The following NAF1 variants were observed in gnomAD, a reference collection of about 807,000 sequenced individuals.
The protein encoded by NAF1 is H/ACA ribonucleoprotein complex non-core subunit NAF1.
NAF1 carries 11 observed loss-of-function variants against 40.6 expected under a neutral mutation model. That is an observed-to-expected ratio of 0.27 (90% CI 0.17 to 0.45). NAF1 has a LOEUF of 0.45. Ranked by LOEUF, NAF1 falls within the 20% of genes least tolerant of loss-of-function variation. NAF1 has a pLI of 1.00. For missense variants in NAF1, 607 were observed against 611.1 expected (o/e 0.99, Z 0.07); for synonymous variants, 260 against 228.5 (o/e 1.14, Z -1.24).
intron 2 of NAF1, among the ~76,000 whole-genome samples, chr4:163,162,576 T>C (rs1347083955): frequency 6.6e-6 from 1 of 152,216 alleles, no homozygotes; most frequent in Non-Finnish European, 1.5e-5. Flanking sequence ...CACAATTCAA[T>C]AGCATTTTTA....
intron 2 of NAF1, among the ~76,000 whole-genome samples, chr4:163,151,235 T>C (rs919847754): frequency 6.6e-6 from 1 of 152,058 alleles, no homozygotes; most frequent in African/African-American, 2.4e-5. Context: ...TTAGTTAACC[T>C]TTAGCATTTT....
chr4:163,155,888 C>A (rs1024546802), intron 2 of NAF1, among the ~76,000 whole-genome samples: 2 of 150,590 alleles, frequency 1.3e-5, no homozygotes, highest in Non-Finnish European at 3.0e-5. Flanking sequence ...ACAGAAGATA[C>A]AAAGAATTAG....
chr4:163,110,760 T>A (rs1353252262), intron 2 of NAF1, among the ~76,000 whole-genome samples: 2 of 152,204 alleles, frequency 1.3e-5, no homozygotes, highest in South Asian at 4.1e-4. Flanking sequence ...TAAATTCTAC[T>A]ATGGATTTTT....
At chr4:163,119,987 A>C (rs1217120301) in intron 2 of NAF1, 1 of 152,220 alleles carries the variant, frequency 6.6e-6, no homozygotes, top group Non-Finnish European at 1.5e-5. Flanking sequence ...AAAAACAAAA[A>C]CCAAACTGAT....
chr4:163,162,292 C>T (rs1732260179), intron 2 of NAF1, among the ~76,000 whole-genome samples: 1 of 152,146 alleles, frequency 6.6e-6, no homozygotes, highest in South Asian at 2.1e-4. Context: ...GATTTGAAAC[C>T]CCGAAGAAGT....
At chr4:163,143,359 T>C (rs1165497609) in intron 4 of NAF1, among the ~76,000 whole-genome samples, 1 of 152,144 alleles carries the variant, frequency 6.6e-6, no homozygotes, top group Admixed American at 6.5e-5. Flanking sequence ...GCAGAGAAGA[T>C]ATAGAGTGCA....
intron 2 of NAF1, among the ~76,000 whole-genome samples, chr4:163,116,495 T>C (rs1730342283): frequency 1.3e-5 from 2 of 152,204 alleles, no homozygotes; most frequent in Admixed American, 1.3e-4. Context: ...TAATGTCTCC[T>C]TAAATATAAA....
At chr4:163,114,891 C>G (rs1730277878) in intron 2 of NAF1, among the ~76,000 whole-genome samples, 1 of 152,110 alleles carries the variant, frequency 6.6e-6, no homozygotes, top group South Asian at 2.1e-4. Context: ...CATATGGTTT[C>G]TACTTAATAG....
At chr4:163,164,043 T>C (rs1732340443) in intron 2 of NAF1, among the ~76,000 whole-genome samples, 174 bp downstream of exon 2, 1 of 152,152 alleles carries the variant, frequency 6.6e-6, no homozygotes, top group Admixed American at 6.5e-5. Flanking sequence ...TAAGAAATTA[T>C]CCAGATCACT....
At chr4:163,144,461 A>G (rs1237971661) in intron 4 of NAF1, among the ~76,000 whole-genome samples, 1 of 152,242 alleles carries the variant, frequency 6.6e-6, no homozygotes, top group Non-Finnish European at 1.5e-5. Flanking sequence ...TACTGAAGGT[A>G]AAACTAATTT....
chr4:163,163,645 C>T (rs1477222318), intron 2 of NAF1, among the ~76,000 whole-genome samples: 1 of 146,418 alleles, frequency 6.8e-6, no homozygotes, highest in Non-Finnish European at 1.5e-5. Context: ...CTTTGCAAAC[C>T]AAACCTATCG....
At chr4:163,107,150 C>T (rs1730061310), downstream of NAF1, among the ~76,000 whole-genome samples, 1 of 152,168 alleles carries the variant, frequency 6.6e-6, no homozygotes, top group South Asian at 2.1e-4. Context: ...CCACACCTGG[C>T]TAATTTTTGT....
At chr4:163,147,753 A>C (rs1259939087) in intron 3 of NAF1, among the ~76,000 whole-genome samples, 1 of 152,190 alleles carries the variant, frequency 6.6e-6, no homozygotes, top group Non-Finnish European at 1.5e-5. Flanking sequence ...TGGATTATGC[A>C]GGTAAACTCA....
At chr4:163,107,938 C>T (rs890505934), downstream of NAF1, among the ~76,000 whole-genome samples, 3 of 152,068 alleles carry the variant, frequency 2.0e-5, no homozygotes, top group Non-Finnish European at 2.9e-5. Context: ...CCCTTGGGGG[C>T]GATATTGCCC....
At chr4:163,106,106 G>A (rs28553961), downstream of NAF1, among the ~76,000 whole-genome samples, 7,627 of 152,012 alleles carry the variant, frequency 0.05, 249 homozygotes, top group African/African-American at 0.072. Context: ...CACACCTGTG[G>A]GAGGCCTCAT....
chr4:163,143,981 A>ATTT, intron 4 of NAF1: 2 of 967,694 alleles, frequency 2.1e-6, no homozygotes, highest in South Asian at 9.6e-5. Flanking sequence ...TTACCTTGAA[A>ATTT]TATGTCATGA....
Position 163,112,129 on chromosome 4 carries a change from A to AT in NAF1, c.115-1840dup, listed in dbSNP as rs1730178512. 2.0e-5 allele frequency among the ~76,000 whole-genome samples: 3 copies of AT among 152,256 alleles called. No homozygotes were observed. In the South Asian group the frequency reaches 6.2e-4, roughly 32 times the overall value. On this transcript the variant is annotated intron_variant, in intron 2 of 2. Transcript: ENST00000509434. ...GCTGGTGAAATGGGCCAAAGCAAGG[A>AT]TAAAAAAAATAAGATGAGAGAGATA...
intron 2 of NAF1, among the ~76,000 whole-genome samples, chr4:163,151,229 T>C (rs1034017130): frequency 2.2e-4 from 33 of 152,208 alleles, no homozygotes; most frequent in African/African-American, 7.9e-4. Flanking sequence ...AGTCATTTAG[T>C]TAACCTTTAG....
chr4:163,159,912 G>A (rs1732149500), intron 2 of NAF1, among the ~76,000 whole-genome samples: 1 of 152,074 alleles, frequency 6.6e-6, no homozygotes, highest in Non-Finnish European at 1.5e-5. Context: ...CAGGTTTTCA[G>A]AAAACAATGG....
Sources: allele counts gnomAD v4.1 joint callset (sites outside exome capture counted in the v4.1 genomes callset), GRCh38; gene constraint gnomAD v4.1.1; transcripts MANE v1.5; gene names NCBI Gene and HGNC (gene_info 2026-07-23, HGNC 2026-07-21).